The following SLC39A9 variants were observed in gnomAD, a reference collection of about 807,000 sequenced individuals.
The protein encoded by SLC39A9 is solute carrier family 39 member 9.
In SLC39A9, 14 loss-of-function variants were observed where a neutral mutation model predicts 28.4. The observed-to-expected ratio is 0.49, with a 90% CI of 0.33 to 0.77. The LOEUF is 0.77. Among genes scored for constraint, SLC39A9 ranks in the 30% least tolerant of loss-of-function variants. The probability of loss-of-function intolerance (pLI) is 0.02; values close to 1 mark genes in which losing one functional copy is unlikely to be tolerated. For missense variants in SLC39A9, 283 were observed against 381.1 expected, an observed-to-expected ratio of 0.74 and a Z score of 2.14; for synonymous variants, 119 against 149.6, an observed-to-expected ratio of 0.80 and a Z score of 1.49.
intron 1 of SLC39A9, among the ~76,000 whole-genome samples, chr14:69,423,686 TC>T (rs1175847350): frequency 3.9e-5 from 6 of 152,072 alleles, no homozygotes; most frequent in Non-Finnish European, 8.8e-5. Context: ...TCACCTGAGG[TC>T]AGGAGTTGGA....
chr14:69,419,290 T>C (rs1883752221), intron 1 of SLC39A9, among the ~76,000 whole-genome samples: 1 of 152,222 alleles, frequency 6.6e-6, no homozygotes, highest in African/African-American at 2.4e-5. Context: ...AGTTGTTCAG[T>C]TTCCATGTAG....
At position 69,459,965 on chromosome 14, in the gene SLC39A9, G is replaced by A; in HGVS notation, c.*1372G>A. 2.0e-6 allele frequency: 2 copies of A among 985,376 alleles called. No individual in the cohort carries two copies. The highest frequency in any genetic ancestry group is 2.4e-6 in the Non-Finnish European group (2 of 829,642). 61.0% of individuals were successfully genotyped at this position (985,376 alleles called of 1,614,324 possible). A position where few individuals can be genotyped will look rare whatever the true frequency, so the allele number is the denominator to read the frequency against. Reference sequence around the variant, plus strand: ...AGCCCTTAAAATACCACCTCCTCATGTGTAAATTGACACAATCACTAATCT... The same window carrying A: ...AGCCCTTAAAATACCACCTCCTCATATGTAAATTGACACAATCACTAATCT... On this transcript the variant is annotated 3_prime_UTR_variant, in exon 7 of 7. Coordinates refer to ENST00000336643, the MANE Select transcript of SLC39A9 (RefSeq NM_018375.5).
intron 3 of SLC39A9, among the ~76,000 whole-genome samples, chr14:69,444,345 TG>T (rs1233910508): frequency 2.0e-5 from 3 of 152,156 alleles, no homozygotes; most frequent in African/African-American, 7.2e-5. Flanking sequence ...CAGAAAAATC[TG>T]CAGAAAAGCA....
chr14:69,431,195 G>T (rs1215281379), intron 2 of SLC39A9, among the ~76,000 whole-genome samples: 2 of 152,032 alleles, frequency 1.3e-5, no homozygotes, highest in Non-Finnish European at 2.9e-5. Context: ...ATAGTTTATT[G>T]ATTTATGCCT....
Position 69,460,546 on chromosome 14 carries a change from A to C in SLC39A9, c.*1953A>C, listed in dbSNP as rs760193888. ...CTTTGTCAAATAAATAGCAGATTGTAGTGTCTGGTTTGGTTTGGACAGTAG... is the reference window on the plus strand; with the variant it reads ...CTTTGTCAAATAAATAGCAGATTGTCGTGTCTGGTTTGGTTTGGACAGTAG... On this transcript the variant is annotated 3_prime_UTR_variant, in exon 7 of 7. Transcript: ENST00000336643. The C allele has an allele frequency of 1.0e-6, 1 of 985,304 alleles. No individual in the cohort carries two copies. Among genetic ancestry groups the C allele is most frequent in the African/African-American group, 1.7e-5 (1 of 57,232 alleles). 61.0% of individuals were successfully genotyped at this position (985,304 alleles called of 1,614,324 possible). A position where few individuals can be genotyped will look rare whatever the true frequency, so the allele number is the denominator to read the frequency against.
chr14:69,446,442 A>C (rs962968388), intron 3 of SLC39A9, among the ~76,000 whole-genome samples: 7 of 152,018 alleles, frequency 4.6e-5, no homozygotes, highest in Non-Finnish European at 5.9e-5. Flanking sequence ...AGAACTGAAA[A>C]AAACAGAAGG....
In SLC39A9 at chr14:69,445,736, G is replaced by T. The variant is rs531141056; in HGVS notation, c.403+3470G>T. ...TGGGGTGAGGTGGAGGAGTTGAGAG[G>T]GCAAAAGGGTTTTGGGAGCACATGA... On this transcript the variant is annotated intron_variant, in intron 3 of 6. Coordinates refer to ENST00000336643, the MANE Select transcript of SLC39A9 (RefSeq NM_018375.5). Among the ~76,000 whole-genome samples the T allele has an allele frequency of 6.6e-5, 10 of 152,264 alleles. 1 individual carries two copies. In the South Asian group the frequency reaches 2.1e-3, roughly 32 times the overall value.
At chr14:69,421,475 G>A (rs1883888321) in intron 1 of SLC39A9, among the ~76,000 whole-genome samples, 6 of 152,226 alleles carry the variant, frequency 3.9e-5, no homozygotes. Context: ...CACTTGAGGA[G>A]GCAGTCTGTC....
intron 2 of SLC39A9, 135 bp from the exon 3 acceptor site, chr14:69,441,934 C>T: frequency 7.0e-7 from 1 of 1,420,928 alleles, no homozygotes; most frequent in African/African-American, 1.4e-5. Flanking sequence ...TAATGATTGG[C>T]TGGATTACAA....
intron 2 of SLC39A9, among the ~76,000 whole-genome samples, chr14:69,431,493 T>C (rs1435891256): frequency 6.6e-6 from 1 of 151,990 alleles, no homozygotes; most frequent in Non-Finnish European, 1.5e-5. Context: ...CTTGCCTTAC[T>C]TTCATTCAGT....
intron 1 of SLC39A9, among the ~76,000 whole-genome samples, chr14:69,406,956 T>C (rs1351729879): frequency 2.9e-4 from 40 of 139,380 alleles, no homozygotes; most frequent in Non-Finnish European, 2.3e-4. Context: ...GTTCAAGCAA[T>C]TCTCCTGCCT....
chr14:69,455,097 G>A (rs1473102956), intron 5 of SLC39A9, among the ~76,000 whole-genome samples, 200 bp downstream of exon 5: 2 of 151,822 alleles, frequency 1.3e-5, no homozygotes, highest in African/African-American at 2.4e-5. Flanking sequence ...CAATTTTTTT[G>A]TGTAGACATA....
intron 1 of SLC39A9, among the ~76,000 whole-genome samples, chr14:69,412,607 C>G (rs368744130): frequency 6.6e-6 from 1 of 152,044 alleles, no homozygotes; most frequent in East Asian, 1.9e-4. Context: ...TGGCCGGTAC[C>G]AAGTCCCCAG....
rs565549048 is a variant in SLC39A9 at position 69,445,434 on chromosome 14, T to C, written c.403+3168T>C. Among the ~76,000 whole-genome samples the C allele has an allele frequency of 2.2e-4, 33 of 152,360 alleles. No homozygotes were observed. The South Asian group carries it at 6.8e-3, about 32-fold the overall frequency. On this transcript the variant is annotated intron_variant, in intron 3 of 6. Transcript: ENST00000336643. The stretch of plus-strand genomic sequence containing the variant: ...TTTTTAAATAACATTTTCTTTTACC[T>C]AGCTTACTTTTTTGTAAAAATACAG...
rs561722702 is a variant in SLC39A9, at chr14:69,399,142, C to T, written c.-228C>T. On this transcript the variant is annotated 5_prime_UTR_variant, in exon 1 of 7. Coordinates refer to ENST00000336643, the MANE Select transcript of SLC39A9 (RefSeq NM_018375.5). Reference sequence around the variant, plus strand: ...CATCTGAGAACCCAGAGCCTGGGACCTTAGATTGCTGTAAGCTTTCTCTGG... The same window carrying T: ...CATCTGAGAACCCAGAGCCTGGGACTTTAGATTGCTGTAAGCTTTCTCTGG... 2.0e-6 allele frequency: 1 copy of T among 511,798 alleles called. No individual in the cohort carries two copies. Among genetic ancestry groups the T allele is most frequent in the African/African-American group, 2.0e-5 (1 of 49,468 alleles). 31.7% of individuals were successfully genotyped at this position (511,798 alleles called of 1,614,324 possible).
chr14:69,442,408 C>G (rs1885092070), intron 3 of SLC39A9, 142 bp downstream of exon 3: 1 of 777,022 alleles, frequency 1.3e-6, no homozygotes, highest in Non-Finnish European at 2.1e-6. Context: ...GAACATTTAA[C>G]TAAGTGGGGA....
chr14:69,461,501 C>G lies in SLC39A9; in HGVS notation c.*2908C>G, dbSNP rs1228899423. 2 of 1,429,792 alleles carry G rather than the reference C, an allele frequency of 1.4e-6. No homozygotes were observed. The highest frequency in any genetic ancestry group is 1.8e-6 in the Non-Finnish European group (2 of 1,095,506). 88.6% of individuals were successfully genotyped at this position (1,429,792 alleles called of 1,614,324 possible). A position where few individuals can be genotyped will look rare whatever the true frequency, so the allele number is the denominator to read the frequency against. ...TAGAGGTTATGTGTTTTCTCTTTCTCCCCGCTTTCACCTCTTTCTTTCCCA... is the reference window on the plus strand; with the variant it reads ...TAGAGGTTATGTGTTTTCTCTTTCTGCCCGCTTTCACCTCTTTCTTTCCCA... On this transcript the variant is annotated 3_prime_UTR_variant, in exon 7 of 7. Coordinates refer to ENST00000336643, the MANE Select transcript of SLC39A9 (RefSeq NM_018375.5).
chr14:69,403,055 T>G (rs1594896146), intron 1 of SLC39A9, among the ~76,000 whole-genome samples: 1 of 152,012 alleles, frequency 6.6e-6, no homozygotes, highest in East Asian at 1.9e-4. Context: ...CACTCCAGCC[T>G]GGGGAACAAG....
intron 4 of SLC39A9, among the ~76,000 whole-genome samples, chr14:69,453,850 A>G (rs1885732489): frequency 6.6e-6 from 1 of 152,252 alleles, no homozygotes; most frequent in African/African-American, 2.4e-5. Flanking sequence ...CAGTGGCAGA[A>G]TTGAACAGTT....
Sources: gnomAD v4.1 joint callset for allele counts (sites outside exome capture counted in the v4.1 genomes callset) on GRCh38, gnomAD v4.1.1 for gene constraint, MANE v1.5 for transcripts, NCBI Gene and HGNC (gene_info 2026-07-23, HGNC 2026-07-21) for gene names.